Variants in MDGA2 observed in about 807,000 individuals in gnomAD.
MDGA2 encodes the protein MAM domain-containing glycosylphosphatidylinositol anchor protein 2.
A neutral mutation model predicts 117.8 loss-of-function variants in MDGA2; 40 were observed. The observed-to-expected ratio is 0.34, with a 90% confidence interval of 0.26 to 0.44. MDGA2 has a LOEUF of 0.44. MDGA2 is among the 20% of genes least tolerant of loss of function. MDGA2 has a pLI of 1.00. For synonymous variants in MDGA2, 452 were observed against 439.0 expected, an observed-to-expected ratio of 1.03 and a Z score of -0.37; for missense variants, 1,123 against 1,250.6, an observed-to-expected ratio of 0.90 and a Z score of 1.54.
intron 1 of MDGA2, among the ~76,000 whole-genome samples, chr14:47,429,775 A>G (rs1892762427): frequency 6.6e-6 from 1 of 151,888 alleles, no homozygotes; most frequent in African/African-American, 2.4e-5. Flanking sequence ...AAAGAGAAAC[A>G]AGATTTGTAT....
At chr14:47,644,951 G>A (rs1456115272) in intron 1 of MDGA2, among the ~76,000 whole-genome samples, 2 of 152,066 alleles carry the variant, frequency 1.3e-5, no homozygotes, top group Non-Finnish European at 2.9e-5. Flanking sequence ...GTTGGTTTTG[G>A]AAAAGAAGGA....
At chr14:46,918,708 T>A (rs1883997194) in intron 10 of MDGA2, among the ~76,000 whole-genome samples, 1 of 151,334 alleles carries the variant, frequency 6.6e-6, no homozygotes, top group Non-Finnish European at 1.5e-5. Context: ...GCTCTTTCAC[T>A]TTTTTGAGAA....
In MDGA2 at chr14:47,623,126, A is replaced by G. The variant is rs147942296; in HGVS notation, c.280+51391T>C. Among the ~76,000 whole-genome samples the G allele has an allele frequency of 2.0e-5, 3 of 152,226 alleles. No individual in the cohort carries two copies. In the East Asian group the frequency reaches 5.8e-4, roughly 29 times the overall value. On this transcript the variant is annotated intron_variant, in intron 1 of 16. Coordinates refer to ENST00000399232, the MANE Select transcript of MDGA2 (RefSeq NM_001113498.3). ...TATCTCAGGCATGGGTTTGTTATTG[A>G]AGGAGTGGGTTCCTGATAAAACGAT...
chr14:47,556,269 C>T (rs1164444562), intron 1 of MDGA2, among the ~76,000 whole-genome samples: 1 of 152,150 alleles, frequency 6.6e-6, no homozygotes, highest in East Asian at 1.9e-4. Context: ...ATTTAAGACT[C>T]CACAATCTGA....
At chr14:47,132,277 A>C (rs1461861766) in intron 4 of MDGA2, among the ~76,000 whole-genome samples, 1 of 151,988 alleles carries the variant, frequency 6.6e-6, no homozygotes, top group Non-Finnish European at 1.5e-5. Flanking sequence ...AATCTGAAGA[A>C]GCGCCAACAA....
At chr14:47,371,682 T>G (rs1327272359) in intron 1 of MDGA2, among the ~76,000 whole-genome samples, 1 of 151,700 alleles carries the variant, frequency 6.6e-6, no homozygotes, top group Non-Finnish European at 1.5e-5. Flanking sequence ...ATTTTCCAAC[T>G]GTAAGAATAA....
intron 14 of MDGA2, among the ~76,000 whole-genome samples, chr14:46,858,506 A>C (rs758092087): frequency 8.9e-5 from 13 of 146,412 alleles, no homozygotes; most frequent in South Asian, 2.1e-4. Context: ...CGGCTCACTG[A>C]AAGCTCCGCC....
At chr14:47,286,803 TTATATATA>T (rs34614614) in intron 2 of MDGA2, among the ~76,000 whole-genome samples, 1 of 130,038 alleles carries the variant, frequency 7.7e-6, no homozygotes, top group African/African-American at 3.2e-5. Context: ...AGGCATATCA[TTATATATA>T]TATATATATA....
At chr14:47,248,230 A>G (rs1458281101) in intron 2 of MDGA2, among the ~76,000 whole-genome samples, 1 of 151,584 alleles carries the variant, frequency 6.6e-6, no homozygotes, top group Admixed American at 6.6e-5. Flanking sequence ...AAATAAATAT[A>G]ACATATATTA....
intron 8 of MDGA2, among the ~76,000 whole-genome samples, chr14:46,999,551 TGATA>T (rs1308493996): frequency 6.6e-6 from 1 of 152,142 alleles, no homozygotes; most frequent in East Asian, 1.9e-4. Context: ...TGCAATTTAT[TGATA>T]GATGTATTTG....
chr14:46,920,867 G>A (rs959243752), intron 9 of MDGA2, among the ~76,000 whole-genome samples: 3 of 152,164 alleles, frequency 2.0e-5, no homozygotes, highest in African/African-American at 7.2e-5. Context: ...TCAATAAAGT[G>A]AACTTAATAA....
At chr14:47,061,602 GAGTT>G (rs781419490) in intron 6 of MDGA2, 24 bp from the exon 7 acceptor site, 1 of 1,568,716 alleles carries the variant, frequency 6.4e-7, no homozygotes, top group Non-Finnish European at 8.7e-7. Context: ...ATTCCATAAG[GAGTT>G]AGTGTTACTT....
chr14:47,174,615 A>G (rs1054991495), intron 3 of MDGA2, among the ~76,000 whole-genome samples: 2 of 152,214 alleles, frequency 1.3e-5, no homozygotes, highest in Admixed American at 6.5e-5. Context: ...ACAAAGACAC[A>G]ACATACCAGA....
chr14:47,182,540 T>A (rs1884749651), intron 3 of MDGA2, among the ~76,000 whole-genome samples: 1 of 151,588 alleles, frequency 6.6e-6, no homozygotes, highest in African/African-American at 2.4e-5. Flanking sequence ...GGAAGAGAGG[T>A]TCACTGGAAA....
At chr14:47,161,455 A>T (rs904772283) in intron 3 of MDGA2, among the ~76,000 whole-genome samples, 1 of 152,026 alleles carries the variant, frequency 6.6e-6, no homozygotes, top group Non-Finnish European at 1.5e-5. Context: ...TATTTCTATT[A>T]TGGTTAGAAC....
chr14:47,266,495 C>T (rs1414138592), intron 2 of MDGA2, among the ~76,000 whole-genome samples: 1 of 152,170 alleles, frequency 6.6e-6, no homozygotes, highest in Non-Finnish European at 1.5e-5. Context: ...CCTCCTCATG[C>T]TCAATCATTC....
chr14:47,038,659 T>C (rs1309277431), intron 7 of MDGA2, among the ~76,000 whole-genome samples: 1 of 151,998 alleles, frequency 6.6e-6, no homozygotes, highest in Non-Finnish European at 1.5e-5. Flanking sequence ...CTTCCTAGGC[T>C]AGATGCGGTG....
intron 1 of MDGA2, among the ~76,000 whole-genome samples, chr14:47,517,271 A>G (rs1484631208): frequency 6.6e-6 from 1 of 152,136 alleles, no homozygotes; most frequent in Non-Finnish European, 1.5e-5. Context: ...AATCAAGAGA[A>G]GTCAAGCTTA....
At chr14:47,647,080 T>A (rs148640607) in intron 1 of MDGA2, among the ~76,000 whole-genome samples, 58 of 152,326 alleles carry the variant, frequency 3.8e-4, no homozygotes, top group African/African-American at 1.4e-3. Flanking sequence ...TCTATCATCA[T>A]ATATGGTATT....
Sources: gnomAD v4.1 joint callset for allele counts (sites outside exome capture counted in the v4.1 genomes callset) on GRCh38, gnomAD v4.1.1 for gene constraint, MANE v1.5 for transcripts, NCBI Gene and HGNC (gene_info 2026-07-23, HGNC 2026-07-21) for gene names.